CD200R1: variants seen among roughly 807,000 people sequenced by gnomAD.
The protein encoded by CD200R1 is cell surface glycoprotein CD200 receptor 1.
CD200R1 carries 30 observed loss-of-function variants against 38.1 expected under a neutral mutation model. The ratio of observed to expected loss-of-function variants is 0.79; its 90% CI spans 0.59 to 1.07. The LOEUF (loss-of-function observed/expected upper bound fraction) is 1.07, where lower values mean the gene tolerates loss of function less well. Among genes scored for constraint, CD200R1 ranks in the 50% least tolerant of loss-of-function variants. The pLI is 0.00. For synonymous variants in CD200R1, 128 were observed against 152.1 expected (o/e 0.84, Z 1.16); for missense variants, 372 against 415.4 (o/e 0.90, Z 0.91).
At chr3:112,937,593 G>C (rs1352663813) in intron 2 of CD200R1, among the ~76,000 whole-genome samples, 2 of 152,168 alleles carry the variant, frequency 1.3e-5, no homozygotes, top group Non-Finnish European at 2.9e-5. Flanking sequence ...GATTACTGTA[G>C]CCCTATAGTA....
At chr3:112,942,640 C>G (rs1940753017) in intron 2 of CD200R1, among the ~76,000 whole-genome samples, 1 of 151,412 alleles carries the variant, frequency 6.6e-6, no homozygotes, top group Admixed American at 6.6e-5. Context: ...CTTTGAACAT[C>G]AATGGTCTGA....
Position 112,931,002 on chromosome 3 carries a change from A to C in CD200R1, c.202+104T>G. ...CAGTACTCAGATCACCAAGTTCTTCAAGTAGTCATAAGGCTGGCTTCCAGT... is the reference window on the plus strand; with the variant it reads ...CAGTACTCAGATCACCAAGTTCTTCCAGTAGTCATAAGGCTGGCTTCCAGT... On this transcript the variant is annotated intron_variant, in intron 3 of 7. Coordinates refer to ENST00000308611, the MANE Select transcript of CD200R1 (RefSeq NM_138806.4). The C allele has an allele frequency of 3.8e-6, 3 of 779,236 alleles. No individual in the cohort carries two copies. In the East Asian group the frequency reaches 7.4e-5, roughly 19 times the overall value. 48.3% of individuals were successfully genotyped at this position (779,236 alleles called of 1,614,324 possible).
At chr3:112,957,007 T>C (rs77363051) in intron 1 of CD200R1, among the ~76,000 whole-genome samples, 7,476 of 152,176 alleles carry the variant, frequency 0.049, 273 homozygotes, top group African/African-American at 0.098. Context: ...TCAGGGGTCA[T>C]TGGAGTCTTC....
intron 1 of CD200R1, among the ~76,000 whole-genome samples, chr3:112,951,330 C>T (rs1323660647): frequency 6.6e-6 from 1 of 151,908 alleles, no homozygotes. Flanking sequence ...AACTGAAAAG[C>T]CTTATATCTT....
Position 112,929,369 on chromosome 3 carries a change from T to C in CD200R1, c.341A>G (p.Glu114Gly). Residue 114 changes from glutamate to glycine, a missense_variant, in exon 4 of 8, where the codon GAA becomes GGA. By Grantham distance (98) the Glu-to-Gly change is moderately conservative. Transcript: ENST00000308611. ...QPSCTKAYKK[E>G]TNETKETNCT... ...GTTGGTTTCCTTGGTCTCATTTGTTTCTTTCTTGTAGGCTTTTGTGCAGGA... is the reference window on the plus strand; with the variant it reads ...GTTGGTTTCCTTGGTCTCATTTGTTCCTTTCTTGTAGGCTTTTGTGCAGGA... 1.2e-6 allele frequency: 2 copies of C among 1,614,118 alleles called. No homozygotes were observed. The highest frequency in any genetic ancestry group is 8.5e-7 in the Non-Finnish European group (1 of 1,179,986).
chr3:112,961,733 C>T (rs1320867938), intron 1 of CD200R1, among the ~76,000 whole-genome samples: 1 of 152,024 alleles, frequency 6.6e-6, no homozygotes. Context: ...CAAGCAAAAA[C>T]CTGGGGAATG....
At chr3:112,934,685 C>G (rs1940534912) in intron 2 of CD200R1, among the ~76,000 whole-genome samples, 1 of 152,052 alleles carries the variant, frequency 6.6e-6, no homozygotes, top group Non-Finnish European at 1.5e-5. Context: ...CAAAAATTAG[C>G]TGGACATGGT....
intron 1 of CD200R1, among the ~76,000 whole-genome samples, chr3:112,960,731 G>A (rs910240847): frequency 5.9e-5 from 9 of 152,070 alleles, no homozygotes; most frequent in African/African-American, 1.9e-4. Context: ...TACGTTTAAC[G>A]CAGAGGTTGG....
chr3:112,922,234 G>A lies in CD200R1; in HGVS notation c.*1443C>T, dbSNP rs1940184645. On this transcript the variant is annotated 3_prime_UTR_variant, in exon 8 of 8. Transcript: ENST00000308611. ...AAAAATCTCAGATGGTATGATTGAA[G>A]AATGAATATATTTTGTTTCAATTTC... 1 of 151,986 alleles carries A rather than the reference G, an allele frequency of 6.6e-6. No homozygotes were observed. The highest frequency in any genetic ancestry group is 1.5e-5 in the Non-Finnish European group (1 of 67,924). The allele number at this position is 151,986 out of a possible 1,614,324, so 9.4% of individuals were successfully genotyped here.
At chr3:112,953,189 C>T (rs1941009348) in intron 1 of CD200R1, among the ~76,000 whole-genome samples, 1 of 152,026 alleles carries the variant, frequency 6.6e-6, no homozygotes, top group Admixed American at 6.6e-5. Flanking sequence ...TTTTTAAAGG[C>T]TTTTTTGCAT....
intron 2 of CD200R1, among the ~76,000 whole-genome samples, chr3:112,943,547 C>A (rs1013938036): frequency 5.9e-5 from 9 of 151,502 alleles, no homozygotes; most frequent in Admixed American, 5.9e-4. Flanking sequence ...AAATCAATCA[C>A]CCAGACTCCA....
Position 112,937,138 on chromosome 3 carries a change from A to G in CD200R1, c.137-5967T>C, listed in dbSNP as rs146449514. On this transcript the variant is annotated intron_variant, in intron 2 of 7. Coordinates refer to ENST00000308611, the MANE Select transcript of CD200R1 (RefSeq NM_138806.4). ...AAATTTACAATCACGACAGAAGGGG[A>G]AGCAGACATGTCCTTTTTCACATGG... 6.2e-4 allele frequency among the ~76,000 whole-genome samples: 94 copies of G among 152,254 alleles called. 1 individual carries two copies. The highest frequency in any genetic ancestry group is 2.1e-3 in the African/African-American group (89 of 41,546).
intron 1 of CD200R1, among the ~76,000 whole-genome samples, chr3:112,952,675 T>C (rs753217827): frequency 6.6e-6 from 1 of 152,084 alleles, no homozygotes; most frequent in African/African-American, 2.4e-5. Flanking sequence ...TTGGGAGATA[T>C]ACCTAATGCT....
chr3:112,935,487 A>G (rs1314059266), intron 2 of CD200R1, among the ~76,000 whole-genome samples: 2 of 152,228 alleles, frequency 1.3e-5, no homozygotes, highest in African/African-American at 4.8e-5. Context: ...CTGAATGACA[A>G]ATGAGTAAAG....
intron 2 of CD200R1, among the ~76,000 whole-genome samples, chr3:112,944,886 C>A (rs1940810605): frequency 6.6e-6 from 1 of 152,056 alleles, no homozygotes; most frequent in Non-Finnish European, 1.5e-5. Flanking sequence ...GGTTAACATA[C>A]AAAAGTCAAT....
intron 1 of CD200R1, among the ~76,000 whole-genome samples, chr3:112,955,327 G>A (rs1166359946): frequency 2.0e-5 from 3 of 152,006 alleles, no homozygotes; most frequent in Admixed American, 2.0e-4. Context: ...GCTAAAAGTG[G>A]GGTACTAAAG....
At chr3:112,925,252 A>G (rs1448312457) in intron 5 of CD200R1, 59 bp from the exon 6 acceptor site, 5 of 799,322 alleles carry the variant, frequency 6.3e-6, no homozygotes, top group African/African-American at 1.8e-5. Flanking sequence ...GTACTATCTT[A>G]TTATTCAATG....
At chr3:112,954,461 T>C (rs1161221805) in intron 1 of CD200R1, among the ~76,000 whole-genome samples, 1 of 152,178 alleles carries the variant, frequency 6.6e-6, no homozygotes, top group East Asian at 1.9e-4. Context: ...TGCTCATTAG[T>C]TGACTGGTGG....
intron 1 of CD200R1, among the ~76,000 whole-genome samples, chr3:112,966,321 A>G (rs1341046321): frequency 6.6e-6 from 1 of 152,236 alleles, no homozygotes; most frequent in Non-Finnish European, 1.5e-5. Context: ...CTTAAGCTCT[A>G]TAGGCAATTT....
Sources: gnomAD v4.1 joint callset for allele counts (sites outside exome capture counted in the v4.1 genomes callset) on GRCh38, gnomAD v4.1.1 for gene constraint, MANE v1.5 for transcripts, NCBI Gene and HGNC (gene_info 2026-07-23, HGNC 2026-07-21) for gene names.